The following STAG1 variants were observed in gnomAD, a reference collection of about 807,000 sequenced individuals.
STAG1 encodes STAG1 cohesin complex component.
A neutral mutation model predicts 170.9 loss-of-function variants in STAG1; 26 were observed. The ratio of observed to expected loss-of-function variants is 0.15; its 90% CI spans 0.11 to 0.21. The LOEUF is 0.21. STAG1 is among the 10% of genes least tolerant of loss of function. The pLI is 1.00. For missense variants in STAG1, 964 were observed against 1,509.5 expected (o/e 0.64, Z 5.99); for synonymous variants, 514 against 497.7 (o/e 1.03, Z -0.44).
intron 1 of STAG1, among the ~76,000 whole-genome samples, chr3:136,733,924 G>A (rs192025262): frequency 1.2e-3 from 188 of 152,076 alleles, no homozygotes; most frequent in Non-Finnish European, 1.9e-3. Flanking sequence ...TGGCTAACAC[G>A]GTGAAACCCT....
chr3:136,642,080 C>G (rs928334643), intron 1 of STAG1, among the ~76,000 whole-genome samples: 1 of 152,070 alleles, frequency 6.6e-6, no homozygotes, highest in African/African-American at 2.4e-5. Flanking sequence ...AATACACTTA[C>G]AAAAGCTTGG....
At position 136,604,313 on chromosome 3, in the gene STAG1, A is replaced by G; in HGVS notation, c.293T>C (p.Met98Thr). Residue 98 changes from methionine (M) to threonine (T), a missense_variant, in exon 4 of 34, where the codon ATG (methionine) becomes ACG (threonine). Transcript: ENST00000383202. ...FEVVKLGKSAMQSVVDDWIES... is the reference protein window; with the variant it reads ...FEVVKLGKSATQSVVDDWIES... ...AAATAAAAACTTAAAATTTACCTGCATTGCACTTTTCCCCAGTTTCACCAC... is the reference window on the plus strand; with the variant it reads ...AAATAAAAACTTAAAATTTACCTGCGTTGCACTTTTCCCCAGTTTCACCAC... The G allele has an allele frequency of 6.2e-7, 1 of 1,604,344 alleles. No homozygotes were observed.
chr3:136,721,666 G>A (rs1282760411), intron 1 of STAG1, among the ~76,000 whole-genome samples: 2 of 152,092 alleles, frequency 1.3e-5, no homozygotes, highest in African/African-American at 4.8e-5. Context: ...GAGGCGGGCG[G>A]ATCACGAGGT....
intron 21 of STAG1, among the ~76,000 whole-genome samples, chr3:136,402,839 A>T (rs1410789098): frequency 6.6e-6 from 1 of 152,044 alleles, no homozygotes; most frequent in African/African-American, 2.4e-5. Context: ...AGAAAAAAAA[A>T]TAATAAATTT....
chr3:136,566,939 T>C (rs571467248), intron 5 of STAG1, among the ~76,000 whole-genome samples: 1 of 152,328 alleles, frequency 6.6e-6, no homozygotes, highest in South Asian at 2.1e-4. Context: ...AAGGTCTCTA[T>C]ACACTATTAT....
intron 9 of STAG1, among the ~76,000 whole-genome samples, chr3:136,485,386 G>A (rs936707981): frequency 4.6e-5 from 7 of 152,094 alleles, no homozygotes; most frequent in Non-Finnish European, 1.0e-4. Flanking sequence ...GAACCCAGGA[G>A]GCGGAGGTTG....
At chr3:136,750,503 T>C (rs1242470916) in intron 1 of STAG1, among the ~76,000 whole-genome samples, 1 of 152,216 alleles carries the variant, frequency 6.6e-6, no homozygotes, top group Non-Finnish European at 1.5e-5. Flanking sequence ...GAGGCAATCC[T>C]AGTAACACAA....
chr3:136,682,294 G>T (rs561448365), intron 1 of STAG1, among the ~76,000 whole-genome samples: 95 of 151,862 alleles, frequency 6.3e-4, no homozygotes, highest in African/African-American at 2.2e-3. Context: ...GCGTGGTGGT[G>T]GGTGTCTGTA....
intron 4 of STAG1, among the ~76,000 whole-genome samples, chr3:136,575,384 C>G (rs1937416594): frequency 6.6e-6 from 1 of 152,130 alleles, no homozygotes; most frequent in Non-Finnish European, 1.5e-5. Context: ...GCCACTGTGC[C>G]TGGTTAATTT....
intron 22 of STAG1, among the ~76,000 whole-genome samples, chr3:136,380,741 C>T (rs1017098311): frequency 6.6e-6 from 1 of 151,704 alleles, no homozygotes; most frequent in African/African-American, 2.4e-5. Flanking sequence ...AGGAACAGGC[C>T]AGGCATGATG....
At chr3:136,585,252 G>A (rs1937754690) in intron 4 of STAG1, among the ~76,000 whole-genome samples, 1 of 152,138 alleles carries the variant, frequency 6.6e-6, no homozygotes, top group Admixed American at 6.6e-5. Context: ...GACCAGCCTG[G>A]CCAACATGGT....
chr3:136,608,797 CA>C (rs34993713), intron 3 of STAG1, among the ~76,000 whole-genome samples: 18,994 of 79,090 alleles, frequency 0.24, 1,104 homozygotes, highest in Middle Eastern at 0.3. Flanking sequence ...GACCCTATCT[CA>C]AAAAAAAAAA....
intron 6 of STAG1, among the ~76,000 whole-genome samples, chr3:136,531,506 A>G (rs7612425): frequency 0.16 from 24,490 of 148,676 alleles, 2,726 homozygotes; most frequent in Non-Finnish European, 0.24. Flanking sequence ...ACTTGGAACC[A>G]ACCCAAATGT....
chr3:136,617,272 G>A (rs541087308), intron 3 of STAG1, among the ~76,000 whole-genome samples: 1 of 152,300 alleles, frequency 6.6e-6, no homozygotes, highest in African/African-American at 2.4e-5. Flanking sequence ...GGGAAATTGA[G>A]AGGCCCTTCC....
intron 1 of STAG1, among the ~76,000 whole-genome samples, chr3:136,676,512 C>T (rs1447719486): frequency 6.6e-6 from 1 of 152,138 alleles, no homozygotes; most frequent in Non-Finnish European, 1.5e-5. Context: ...GTGACTCAAT[C>T]ATAGCTCACT....
chr3:136,597,134 T>A (rs563890906), intron 4 of STAG1, among the ~76,000 whole-genome samples: 18 of 152,202 alleles, frequency 1.2e-4, no homozygotes, highest in Non-Finnish European at 2.1e-4. Context: ...ATCCTGTTTA[T>A]TATAGAAATT....
intron 25 of STAG1, among the ~76,000 whole-genome samples, chr3:136,364,800 A>G (rs1196192625): frequency 2.0e-5 from 3 of 152,228 alleles, no homozygotes; most frequent in African/African-American, 7.2e-5. Context: ...TATGTGAAGA[A>G]GTGATTAATA....
chr3:136,608,322 A>T (rs1202029339), intron 3 of STAG1, among the ~76,000 whole-genome samples: 2 of 151,774 alleles, frequency 1.3e-5, no homozygotes, highest in African/African-American at 4.8e-5. Flanking sequence ...GGGGAGGATG[A>T]CTTGATCCCA....
chr3:136,576,478 G>A (rs1360521559), intron 4 of STAG1, among the ~76,000 whole-genome samples: 6 of 151,970 alleles, frequency 3.9e-5, no homozygotes, highest in Non-Finnish European at 7.4e-5. Flanking sequence ...ACATTCATAT[G>A]ACAAAAAATG....
Sources: gnomAD v4.1 joint callset for allele counts (sites outside exome capture counted in the v4.1 genomes callset) on GRCh38, gnomAD v4.1.1 for gene constraint, MANE v1.5 for transcripts, NCBI Gene and HGNC (gene_info 2026-07-23, HGNC 2026-07-21) for gene names.